The following KAZN variants were observed in gnomAD, a reference collection of about 807,000 sequenced individuals.
The protein encoded by KAZN is kazrin, periplakin interacting protein, also known as kazrin.
In KAZN, 40 loss-of-function variants were observed where a neutral mutation model predicts 87.4. The observed-to-expected ratio is 0.46, with a 90% CI of 0.36 to 0.60. KAZN has a LOEUF of 0.60. Ranked by LOEUF, KAZN falls within the 20% of genes least tolerant of loss-of-function variation. The pLI is 0.00. For missense variants in KAZN, 898 were observed against 1,073.9 expected, an observed-to-expected ratio of 0.84 and a Z score of 2.29; for synonymous variants, 466 against 458.3, an observed-to-expected ratio of 1.02 and a Z score of -0.22.
intron 2 of KAZN, among the ~76,000 whole-genome samples, chr1:14,423,417 A>G (rs1333831020): frequency 6.6e-6 from 1 of 152,256 alleles, no homozygotes; most frequent in Non-Finnish European, 1.5e-5. Flanking sequence ...AAATCTGTTA[A>G]TGTATTTTCT....
At chr1:14,461,881 C>T (rs2148350668) in intron 2 of KAZN, among the ~76,000 whole-genome samples, 1 of 151,966 alleles carries the variant, frequency 6.6e-6, no homozygotes, top group Non-Finnish European at 1.5e-5. Flanking sequence ...GACACTGAGG[C>T]CATCAGCCTA....
intron 1 of KAZN, among the ~76,000 whole-genome samples, chr1:14,817,001 T>G (rs1557519909): frequency 6.6e-6 from 1 of 152,210 alleles, no homozygotes; most frequent in Admixed American, 6.5e-5. Context: ...TTTAGAGAGA[T>G]AACTCACCCA....
chr1:14,451,820 G>A (rs563498749), intron 2 of KAZN, among the ~76,000 whole-genome samples: 1 of 152,278 alleles, frequency 6.6e-6, no homozygotes, highest in East Asian at 1.9e-4. Flanking sequence ...ACCAGAGAAG[G>A]CTAATGTTCC....
At chr1:14,339,635 A>C (rs538783447) in intron 2 of KAZN, among the ~76,000 whole-genome samples, 17 of 152,318 alleles carry the variant, frequency 1.1e-4, no homozygotes, top group African/African-American at 3.4e-4. Context: ...TGTGGGGGGA[A>C]GTCAGCCTTT....
At chr1:13,998,820 T>A (rs955132893) in intron 1 of KAZN, among the ~76,000 whole-genome samples, 3 of 152,116 alleles carry the variant, frequency 2.0e-5, no homozygotes, top group Non-Finnish European at 4.4e-5. Context: ...GACAGAAAAT[T>A]AACAAGGATA....
chr1:14,945,581 A>G (rs2101667841), intron 1 of KAZN, among the ~76,000 whole-genome samples: 1 of 151,666 alleles, frequency 6.6e-6, no homozygotes, highest in East Asian at 1.9e-4. Flanking sequence ...GCCCGGCTCC[A>G]GCTCCGGTGG....
intron 1 of KAZN, among the ~76,000 whole-genome samples, chr1:13,989,949 GC>G (rs1214756564): frequency 3.3e-5 from 5 of 152,210 alleles, no homozygotes; most frequent in Admixed American, 6.5e-5. Context: ...AGATCAAAAA[GC>G]TGGCATCATC....
In KAZN at chr1:13,901,117, G is replaced by A. The variant is rs541643332; in HGVS notation, c.91+7361G>A. Among the ~76,000 whole-genome samples, 379 of 150,908 alleles carry A rather than the reference G, an allele frequency of 2.5e-3. 3 individuals are homozygous for A. The highest frequency in any genetic ancestry group is 7.4e-3 in the African/African-American group (304 of 41,104). ...TTCTTGATTCCCAAGGCCAAGAACC[G>A]ACCGGTTATAAAAACAGCCACCCCC... On this transcript the variant is annotated intron_variant, in intron 1 of 16. Coordinates refer to the KAZN transcript ENST00000636203.
chr1:14,122,497 C>T (rs920985886), intron 1 of KAZN, among the ~76,000 whole-genome samples: 1 of 152,212 alleles, frequency 6.6e-6, no homozygotes, highest in African/African-American at 2.4e-5. Flanking sequence ...TGAGATTCTA[C>T]TCCCATGTGG....
chr1:14,930,398 C>T (rs1157418114), intron 1 of KAZN, among the ~76,000 whole-genome samples: 1 of 152,132 alleles, frequency 6.6e-6, no homozygotes, highest in Non-Finnish European at 1.5e-5. Context: ...TGCTATTTCC[C>T]GGATGCTTTA....
At chr1:14,052,996 T>C (rs911493515) in intron 1 of KAZN, among the ~76,000 whole-genome samples, 7 of 152,158 alleles carry the variant, frequency 4.6e-5, no homozygotes, top group African/African-American at 1.7e-4. Context: ...GTGTATTCCC[T>C]GCCCCTTGAG....
intron 2 of KAZN, among the ~76,000 whole-genome samples, chr1:14,283,213 T>G (rs1571217841): frequency 6.6e-6 from 1 of 152,178 alleles, no homozygotes; most frequent in South Asian, 2.1e-4. Context: ...GACTCTTTCC[T>G]TCTGGATTTG....
At chr1:14,581,815 C>A (rs1053926424) in intron 2 of KAZN, among the ~76,000 whole-genome samples, 2 of 152,162 alleles carry the variant, frequency 1.3e-5, no homozygotes, top group Admixed American at 1.3e-4. Context: ...ATTCAGGTCT[C>A]TACTCAATGT....
chr1:14,173,111 C>T (rs1339369), intron 1 of KAZN, among the ~76,000 whole-genome samples: 18,658 of 152,106 alleles, frequency 0.12, 1,256 homozygotes, highest in East Asian at 0.33. Context: ...GGAGGGGATT[C>T]TGACCTTATT....
intron 2 of KAZN, among the ~76,000 whole-genome samples, chr1:14,559,312 G>A (rs1357417148): frequency 6.6e-6 from 1 of 152,080 alleles, no homozygotes; most frequent in African/African-American, 2.4e-5. Flanking sequence ...CCAACTAGAG[G>A]GCCTTTTCCC....
At chr1:14,980,476 G>A (rs574699392) in intron 2 of KAZN, among the ~76,000 whole-genome samples, 7 of 152,270 alleles carry the variant, frequency 4.6e-5, no homozygotes, top group South Asian at 2.1e-4. Flanking sequence ...CGTGCTACGC[G>A]CAGGTGACCA....
At chr1:15,095,264 G>C (rs1326958942) in intron 10 of KAZN, among the ~76,000 whole-genome samples, 1 of 152,168 alleles carries the variant, frequency 6.6e-6, no homozygotes, top group South Asian at 2.1e-4. Context: ...TCTGCACACT[G>C]GGCCGCCATG....
intron 2 of KAZN, among the ~76,000 whole-genome samples, chr1:14,589,627 G>A (rs1043407791): frequency 1.3e-5 from 2 of 152,154 alleles, no homozygotes; most frequent in Non-Finnish European, 2.9e-5. Context: ...ATCTACGGCC[G>A]CTTCCTACTA....
At chr1:14,020,829 TCAAAA>T (rs1294099215) in intron 1 of KAZN, among the ~76,000 whole-genome samples, 6 of 152,228 alleles carry the variant, frequency 3.9e-5, no homozygotes, top group African/African-American at 1.4e-4. Flanking sequence ...TCTGGAATTC[TCAAAA>T]CAGTAGGATA....
Sources: gnomAD v4.1 joint callset for allele counts (sites outside exome capture counted in the v4.1 genomes callset) on GRCh38, gnomAD v4.1.1 for gene constraint, MANE v1.5 for transcripts, NCBI Gene and HGNC (gene_info 2026-07-23, HGNC 2026-07-21) for gene names.